Variants in ZMAT4 observed in about 807,000 individuals in gnomAD.
ZMAT4 encodes the protein zinc finger matrin-type 4.
A neutral mutation model predicts 28.7 loss-of-function variants in ZMAT4; 17 were observed. That is an observed-to-expected ratio of 0.59 (90% CI 0.41 to 0.89). The LOEUF is 0.89. Ranked by LOEUF, ZMAT4 falls within the 40% of genes least tolerant of loss-of-function variation. The pLI is 0.00. For missense variants in ZMAT4, 240 were observed against 283.8 expected (o/e 0.85, Z 1.11); for synonymous variants, 117 against 109.2 (o/e 1.07, Z -0.44).
chr8:40,876,282 G>A (rs1818038914), intron 1 of ZMAT4, among the ~76,000 whole-genome samples: 1 of 152,096 alleles, frequency 6.6e-6, no homozygotes, highest in African/African-American at 2.4e-5. Context: ...TTAATGAATA[G>A]TAAATATAAA....
intron 5 of ZMAT4, among the ~76,000 whole-genome samples, chr8:40,592,378 A>C (rs1185987237): frequency 2.6e-5 from 4 of 152,224 alleles, no homozygotes; most frequent in Non-Finnish European, 4.4e-5. Flanking sequence ...CTATTACTCC[A>C]TACTACCGTC....
intron 5 of ZMAT4, among the ~76,000 whole-genome samples, chr8:40,653,022 A>G (rs962994850): frequency 6.6e-6 from 1 of 151,958 alleles, no homozygotes; most frequent in Non-Finnish European, 1.5e-5. Context: ...AGCATGGCAC[A>G]TGTATACATA....
At chr8:40,870,761 T>C (rs566250776) in intron 1 of ZMAT4, among the ~76,000 whole-genome samples, 96 of 152,292 alleles carry the variant, frequency 6.3e-4, no homozygotes, top group African/African-American at 2.2e-3. Flanking sequence ...AAAGAGGCAA[T>C]TGACTCAATA....
intron 2 of ZMAT4, among the ~76,000 whole-genome samples, chr8:40,821,211 G>A (rs904059029): frequency 3.2e-4 from 48 of 152,032 alleles, no homozygotes; most frequent in Non-Finnish European, 5.9e-5. Flanking sequence ...CTTTCCCTTT[G>A]CAGGAAATTA....
chr8:40,691,189 T>C (rs189044186), intron 4 of ZMAT4, among the ~76,000 whole-genome samples: 33 of 152,282 alleles, frequency 2.2e-4, no homozygotes, highest in Non-Finnish European at 3.7e-4. Context: ...TCTGATTTAA[T>C]ATAAATGTTT....
At chr8:40,599,818 G>A (rs1485658160) in intron 5 of ZMAT4, among the ~76,000 whole-genome samples, 5 of 152,172 alleles carry the variant, frequency 3.3e-5, no homozygotes, top group Non-Finnish European at 5.9e-5. Context: ...GCATAGGGGG[G>A]CCCCCGCCCC....
chr8:40,630,562 G>T (rs1486815529), intron 5 of ZMAT4, among the ~76,000 whole-genome samples: 1 of 152,206 alleles, frequency 6.6e-6, no homozygotes, highest in Non-Finnish European at 1.5e-5. Flanking sequence ...GAAGTGGGAA[G>T]TATTTGGCAG....
Position 40,866,756 on chromosome 8 carries a change from G to A in ZMAT4, c.-5+30927C>T, listed in dbSNP as rs1290090110. ...AAGCACCCGGGGAGTCCTCGAGTAA[G>A]AAATTCAGTGCTGTGTATGTGGATA... On this transcript the variant is annotated intron_variant, in intron 1 of 6. Transcript: ENST00000297737. Among the ~76,000 whole-genome samples, 6 of 152,318 alleles carry A rather than the reference G, an allele frequency of 3.9e-5. No homozygotes were observed. The East Asian group carries it at 9.7e-4, about 25-fold the overall frequency.
intron 6 of ZMAT4, among the ~76,000 whole-genome samples, chr8:40,554,079 A>G (rs1803449096): frequency 6.6e-6 from 1 of 152,130 alleles, no homozygotes; most frequent in Admixed American, 6.6e-5. Context: ...TAGCATATCA[A>G]AGTCACCACA....
intron 5 of ZMAT4, among the ~76,000 whole-genome samples, chr8:40,635,734 G>T (rs771557739): frequency 1.3e-5 from 2 of 152,024 alleles, no homozygotes; most frequent in Non-Finnish European, 2.9e-5. Context: ...CTCTACATCC[G>T]CAATGATCTT....
chr8:40,673,299 A>G (rs538536685), intron 5 of ZMAT4, among the ~76,000 whole-genome samples: 1 of 152,088 alleles, frequency 6.6e-6, no homozygotes, highest in Non-Finnish European at 1.5e-5. Flanking sequence ...CCTCCTCTCA[A>G]CTCATTGTAG....
At chr8:40,562,756 C>A (rs1188518341) in intron 6 of ZMAT4, among the ~76,000 whole-genome samples, 1 of 152,086 alleles carries the variant, frequency 6.6e-6, no homozygotes, top group Non-Finnish European at 1.5e-5. Context: ...CTACTTGACT[C>A]TTTCTGGCAT....
chr8:40,761,979 C>T (rs187800096), intron 3 of ZMAT4, among the ~76,000 whole-genome samples: 39 of 152,326 alleles, frequency 2.6e-4, no homozygotes, highest in Admixed American at 6.5e-4. Flanking sequence ...GGGATAGAAT[C>T]TCCACTTCTA....
intron 2 of ZMAT4, among the ~76,000 whole-genome samples, chr8:40,782,374 G>T (rs1322163779): frequency 1.3e-5 from 2 of 151,992 alleles, no homozygotes; most frequent in Non-Finnish European, 2.9e-5. Context: ...GATAGAGCAA[G>T]ACTCCGTCTC....
chr8:40,792,411 C>T (rs1264131725), intron 2 of ZMAT4, among the ~76,000 whole-genome samples: 2 of 143,122 alleles, frequency 1.4e-5, no homozygotes, highest in African/African-American at 5.3e-5. Context: ...CATTAGCAAC[C>T]AAGATATCCT....
rs1808304249 is a variant in ZMAT4, at chr8:40,664,023, C to T, written c.577+10681G>A. Among the ~76,000 whole-genome samples, 5 of 152,306 alleles carry T rather than the reference C, an allele frequency of 3.3e-5. No homozygotes were observed. The South Asian group carries it at 1.0e-3, about 32-fold the overall frequency. ...GAGACCCATAATTCTGACTGTACCA[C>T]AGACAGTGGAGAATGTGGAGTGTAG... On this transcript the variant is annotated intron_variant, in intron 5 of 6. Coordinates refer to ENST00000297737, the MANE Select transcript of ZMAT4 (RefSeq NM_024645.3).
rs115708996 is a variant in ZMAT4 at position 40,865,204 on chromosome 8, T to C, written c.-5+32479A>G. ...AACGGCTTGTAGCAAGAGTGACAAA[T>C]GCCACTTATTCTCTCGCTTCGGAGT... On this transcript the variant is annotated intron_variant, in intron 1 of 6. Coordinates refer to ENST00000297737, the MANE Select transcript of ZMAT4 (RefSeq NM_024645.3). Among the ~76,000 whole-genome samples the C allele has an allele frequency of 2.9e-3, 439 of 152,304 alleles. 2 individuals are homozygous for C. Among genetic ancestry groups the C allele is most frequent in the African/African-American group, 0.01 (419 of 41,560 alleles).
chr8:40,663,564 C>T (rs1487639355), intron 5 of ZMAT4, among the ~76,000 whole-genome samples: 2 of 152,152 alleles, frequency 1.3e-5, no homozygotes, highest in Non-Finnish European at 2.9e-5. Flanking sequence ...CTATATCACA[C>T]TATTTTCCCA....
intron 5 of ZMAT4, among the ~76,000 whole-genome samples, chr8:40,647,025 A>T (rs1807353044): frequency 6.6e-6 from 1 of 152,238 alleles, no homozygotes; most frequent in South Asian, 2.1e-4. Context: ...ATGGAACAAA[A>T]TTAGAAATCA....
Sources: allele counts gnomAD v4.1 joint callset (sites outside exome capture counted in the v4.1 genomes callset), GRCh38; gene constraint gnomAD v4.1.1; transcripts MANE v1.5; gene names NCBI Gene and HGNC (gene_info 2026-07-23, HGNC 2026-07-21).